Variants in PDZRN4 observed in about 807,000 individuals in gnomAD.
PDZRN4 encodes the protein PDZ domain containing ring finger 4.
PDZRN4 carries 70 observed loss-of-function variants against 99.0 expected under a neutral mutation model. That is an observed-to-expected ratio of 0.71 (90% CI 0.58 to 0.86). The LOEUF (loss-of-function observed/expected upper bound fraction) is 0.86, where lower values mean the gene tolerates loss of function less well. Ranked by LOEUF, PDZRN4 falls within the 40% of genes least tolerant of loss-of-function variation. The pLI, the probability that PDZRN4 is intolerant of heterozygous loss-of-function variation, is 0.00. For missense variants in PDZRN4, 1,474 were observed against 1,331.2 expected, an observed-to-expected ratio of 1.11 and a Z score of -1.67; for synonymous variants, 551 against 501.6, an observed-to-expected ratio of 1.10 and a Z score of -1.32.
intron 3 of PDZRN4, among the ~76,000 whole-genome samples, chr12:41,260,767 A>G (rs1951232814): frequency 2.0e-5 from 3 of 152,172 alleles, no homozygotes; most frequent in East Asian, 1.9e-4. Context: ...AAACTTGTGT[A>G]CAATTGAAGT....
At chr12:41,200,114 G>T (rs369905564) in intron 3 of PDZRN4, among the ~76,000 whole-genome samples, 6 of 152,118 alleles carry the variant, frequency 3.9e-5, no homozygotes, top group South Asian at 2.1e-4. Context: ...CCTCCTAGAA[G>T]TTAGTTTAAT....
chr12:41,442,558 T>G (rs1410768492), intron 3 of PDZRN4, among the ~76,000 whole-genome samples: 1 of 152,116 alleles, frequency 6.6e-6, no homozygotes, highest in African/African-American at 2.4e-5. Flanking sequence ...CTGCAGCCTC[T>G]TTAGAATTAA....
At chr12:41,276,359 C>A (rs566998454) in intron 3 of PDZRN4, among the ~76,000 whole-genome samples, 14 of 151,834 alleles carry the variant, frequency 9.2e-5, no homozygotes, top group Admixed American at 2.6e-4. Flanking sequence ...TTTTAAGAAC[C>A]CTTTTTAGTA....
chr12:41,346,028 C>T (rs1951851417), intron 3 of PDZRN4, among the ~76,000 whole-genome samples: 1 of 152,068 alleles, frequency 6.6e-6, no homozygotes, highest in Non-Finnish European at 1.5e-5. Flanking sequence ...TATGTTTTCT[C>T]ATTTAATCTT....
rs189891574 is a variant in PDZRN4 at position 41,312,276 on chromosome 12, A to C, written c.843+118088A>C. Among the ~76,000 whole-genome samples, 47 of 151,984 alleles carry C rather than the reference A, an allele frequency of 3.1e-4. No homozygotes were observed. In the East Asian group the frequency reaches 5.4e-3, roughly 17 times the overall value. ...TGCTTTTATGGGGAAGAAAAAAAAAAACACACATACACATTTTGAGTTTCT... is the reference window on the plus strand; with the variant it reads ...TGCTTTTATGGGGAAGAAAAAAAAACACACACATACACATTTTGAGTTTCT... On this transcript the variant is annotated intron_variant, in intron 3 of 9. Coordinates refer to ENST00000402685, the MANE Select transcript of PDZRN4 (RefSeq NM_001164595.2).
intron 3 of PDZRN4, among the ~76,000 whole-genome samples, chr12:41,234,692 G>A (rs1346932069): frequency 3.9e-5 from 6 of 152,144 alleles, no homozygotes; most frequent in Admixed American, 3.3e-4. Flanking sequence ...AAAGGACAAC[G>A]TTTTCTTTTC....
chr12:41,321,998 T>G (rs10880029), intron 3 of PDZRN4, among the ~76,000 whole-genome samples: 1 of 151,908 alleles, frequency 6.6e-6, no homozygotes, highest in African/African-American at 2.4e-5. Flanking sequence ...AACACACCTC[T>G]GGGCTGGTGC....
chr12:41,538,766 G>A (rs558971133), intron 5 of PDZRN4, among the ~76,000 whole-genome samples: 34 of 151,896 alleles, frequency 2.2e-4, no homozygotes, highest in Middle Eastern at 3.4e-3. Flanking sequence ...AATACTACTC[G>A]AATTTCTTTA....
intron 3 of PDZRN4, among the ~76,000 whole-genome samples, chr12:41,239,556 ATTACATGCTTTAC>A (rs1314505134): frequency 6.6e-6 from 1 of 152,202 alleles, no homozygotes; most frequent in Admixed American, 6.5e-5. Context: ...ACATAGGGAA[ATTACATGCTTTAC>A]TGTGTTCAAT....
intron 3 of PDZRN4, among the ~76,000 whole-genome samples, chr12:41,240,086 A>C (rs1164233225): frequency 2.0e-5 from 3 of 152,088 alleles, no homozygotes; most frequent in Non-Finnish European, 4.4e-5. Flanking sequence ...ATTGTATTGC[A>C]TATTGTATTT....
chr12:41,336,099 T>C (rs1315575931), intron 3 of PDZRN4, among the ~76,000 whole-genome samples: 1 of 152,144 alleles, frequency 6.6e-6, no homozygotes, highest in Non-Finnish European at 1.5e-5. Context: ...CAAAAGTTTT[T>C]ATTGCATGCG....
chr12:41,544,016 G>A (rs535588237), intron 5 of PDZRN4, among the ~76,000 whole-genome samples: 3 of 152,168 alleles, frequency 2.0e-5, no homozygotes, highest in Non-Finnish European at 4.4e-5. Context: ...ATAAATGCTA[G>A]ATGGACCAGA....
At chr12:41,364,003 A>G (rs759424710) in intron 3 of PDZRN4, among the ~76,000 whole-genome samples, 181 of 152,238 alleles carry the variant, frequency 1.2e-3, no homozygotes, top group Admixed American at 6.0e-3. Flanking sequence ...ACGGAAGTAG[A>G]TATTGTAAGT....
chr12:41,525,156 C>T (rs1938548638), intron 5 of PDZRN4, among the ~76,000 whole-genome samples: 1 of 151,890 alleles, frequency 6.6e-6, no homozygotes, highest in Non-Finnish European at 1.5e-5. Context: ...CTGAGTGGGC[C>T]GCTATTGCAA....
At chr12:41,564,138 A>C (rs1292767041) in intron 8 of PDZRN4, among the ~76,000 whole-genome samples, 1 of 152,230 alleles carries the variant, frequency 6.6e-6, no homozygotes, top group Admixed American at 6.5e-5. Flanking sequence ...CCACGAGAGA[A>C]ACACTAGCCT....
At chr12:41,286,336 C>CTT (rs71081721) in intron 3 of PDZRN4, among the ~76,000 whole-genome samples, 1,380 of 106,020 alleles carry the variant, frequency 0.013, 1 homozygote, top group African/African-American at 0.024. Flanking sequence ...CCTTCTTCTT[C>CTT]TTTTTTTTTT....
intron 5 of PDZRN4, among the ~76,000 whole-genome samples, chr12:41,550,025 T>G (rs749978634): frequency 1.3e-5 from 2 of 152,172 alleles, no homozygotes; most frequent in Non-Finnish European, 2.9e-5. Flanking sequence ...TTAGTCTCCT[T>G]TCCTCTGAGA....
intron 3 of PDZRN4, among the ~76,000 whole-genome samples, chr12:41,450,554 G>T (rs1225760825): frequency 6.6e-6 from 1 of 152,140 alleles, no homozygotes; most frequent in Non-Finnish European, 1.5e-5. Context: ...TTACTGTCTT[G>T]CTTATGTTGG....
At chr12:41,525,293 G>A (rs900931319) in intron 5 of PDZRN4, among the ~76,000 whole-genome samples, 14 of 152,162 alleles carry the variant, frequency 9.2e-5, no homozygotes, top group African/African-American at 2.9e-4. Context: ...TATTTGAGGA[G>A]GAATTATATT....
Sources: allele counts gnomAD v4.1 joint callset (sites outside exome capture counted in the v4.1 genomes callset), GRCh38; gene constraint gnomAD v4.1.1; transcripts MANE v1.5; gene names NCBI Gene and HGNC (gene_info 2026-07-23, HGNC 2026-07-21).